The following VIT variants were observed in gnomAD, a reference collection of about 807,000 sequenced individuals.
VIT encodes vitrin.
In VIT, 99 loss-of-function variants were observed where a neutral mutation model predicts 78.0. The observed-to-expected ratio is 1.27, with a 90% CI of 1.08 to 1.50. The LOEUF (loss-of-function observed/expected upper bound fraction) is 1.50, where lower values mean the gene tolerates loss of function less well. Among genes scored for constraint, VIT ranks in the 40% most tolerant of loss-of-function variants. VIT has a pLI of 0.00. For synonymous variants in VIT, 374 were observed against 334.3 expected (o/e 1.12, Z -1.29); for missense variants, 1,126 against 875.3 (o/e 1.29, Z -3.61).
rs368417581 is a variant in VIT, at chr2:36,814,206, G to A, written c.1927G>A (p.Val643Ile). 8.9e-5 allele frequency: 143 copies of A among 1,614,076 alleles called. No homozygotes were observed. The African/African-American group carries it at 9.9e-4, about 11-fold the overall frequency. ...LKGVITYAIG[V>I]AWAAQEELEV... is the part of the protein sequence containing the mutation. ...AGGAGTGATCACCTATGCGATAGGCGTTGCCTGGGCTGCCCAAGAGGAGCT... is the reference window on the plus strand; with the variant it reads ...AGGAGTGATCACCTATGCGATAGGCATTGCCTGGGCTGCCCAAGAGGAGCT... Residue 643 changes from valine (V) to isoleucine (I), a missense_variant, in exon 16 of 16, where the codon GTT becomes ATT. By Grantham distance (29) the Val-to-Ile change is conservative (BLOSUM62 3). Coordinates refer to ENST00000379242, the MANE Select transcript of VIT (RefSeq NM_053276.4).
intron 6 of VIT, among the ~76,000 whole-genome samples, chr2:36,764,586 G>C (rs533743718): frequency 3.7e-4 from 57 of 152,322 alleles, no homozygotes; most frequent in African/African-American, 1.3e-3. Flanking sequence ...ATTTAAAGGT[G>C]ACCAACTTAG....
At chr2:36,781,684 G>C in intron 9 of VIT, 43 bp from the exon 10 acceptor site, 1 of 1,606,502 alleles carries the variant, frequency 6.2e-7, no homozygotes, top group Non-Finnish European at 8.5e-7. Context: ...CTGCTGGTTT[G>C]GTTTAAGTAA....
In VIT at chr2:36,767,190, C is replaced by A; in HGVS notation, c.584C>A (p.Ala195Asp). The A allele has an allele frequency of 6.2e-7, 1 of 1,610,064 alleles. No homozygotes were observed. Among genetic ancestry groups the A allele is most frequent in the South Asian group, 1.1e-5 (1 of 90,010 alleles). ...CTTCTGGCTGTCACTGTAGCTGTGG[C>A]CACCCCCACCACCTTGCCAAGGCCA... ...MQLLAVTVAV[A>D]TPTTLPRPSP... Residue 195 changes from alanine to aspartate, a missense_variant, in exon 7 of 16, where the codon GCC becomes GAC. By Grantham distance (126) the Ala-to-Asp change is moderately radical (BLOSUM62 -2). Transcript: ENST00000379242.
Position 36,743,125 on chromosome 2 carries a change from C to G in VIT, c.144C>G (p.Val48=). The change falls in exon 4 of 16, where the codon GTC becomes GTG. Residue 48 remains valine, a synonymous_variant. Coordinates refer to ENST00000379242, the MANE Select transcript of VIT (RefSeq NM_053276.4). Reference sequence around the variant, plus strand: ...CTGTGCCTCAGATCAACTGCGATGTCAAAGCCGGAAAGATCATCGATCCTG... The same window carrying G: ...CTGTGCCTCAGATCAACTGCGATGTGAAAGCCGGAAAGATCATCGATCCTG... ...KFTVPQINCD[V]KAGKIIDPEF... 2 of 1,614,032 alleles carry G rather than the reference C, an allele frequency of 1.2e-6. No homozygotes were observed. Among genetic ancestry groups the G allele is most frequent in the South Asian group, 1.1e-5 (1 of 91,070 alleles).
chr2:36,745,735 G>T (rs1411228157), intron 4 of VIT, among the ~76,000 whole-genome samples: 1 of 152,044 alleles, frequency 6.6e-6, no homozygotes, highest in Non-Finnish European at 1.5e-5. Flanking sequence ...TCTAGGTATA[G>T]AGTCATATCA....
chr2:36,799,432 G>A lies in VIT; in HGVS notation c.1059-1869G>A, dbSNP rs148571537. The stretch of plus-strand genomic sequence containing the variant: ...AAGGCTACTTTAAAAAGTTTTCTTG[G>A]CCAGGCATGGTGGCTCACATCTGTA... On this transcript the variant is annotated intron_variant, in intron 12 of 15. Coordinates refer to ENST00000379242, the MANE Select transcript of VIT (RefSeq NM_053276.4). 7.9e-5 allele frequency among the ~76,000 whole-genome samples: 12 copies of A among 152,300 alleles called. No homozygotes were observed. The East Asian group carries it at 9.7e-4, about 12-fold the overall frequency.
At chr2:36,803,452 A>G (rs939214694) in intron 13 of VIT, among the ~76,000 whole-genome samples, 5 of 152,208 alleles carry the variant, frequency 3.3e-5, no homozygotes, top group African/African-American at 1.2e-4. Flanking sequence ...GCCTCCAGAT[A>G]TAAGGTTAGG....
chr2:36,716,782 T>G (rs1237719058), intron 2 of VIT, among the ~76,000 whole-genome samples: 1 of 152,142 alleles, frequency 6.6e-6, no homozygotes, highest in Non-Finnish European at 1.5e-5. Flanking sequence ...TTCTTATTTC[T>G]TAATTTCGCA....
Position 36,755,055 on chromosome 2 carries a change from G to T in VIT, c.409+1G>T. 6 of 1,613,692 alleles carry T rather than the reference G, an allele frequency of 3.7e-6. No individual in the cohort carries two copies. The highest frequency in any genetic ancestry group is 5.1e-6 in the Non-Finnish European group (6 of 1,179,870). ...TGGAGAGAATCCTTTATCGTCTTAG[G>T]TATGACCACACACTGGAGAAACGCT... On this transcript the variant is annotated splice_donor_variant, in intron 5 of 15. Coordinates refer to ENST00000379242, the MANE Select transcript of VIT (RefSeq NM_053276.4). LOFTEE classifies it high-confidence loss of function.
At chr2:36,729,298 CT>C in intron 2 of VIT, 127 bp from the exon 3 acceptor site, 1 of 713,078 alleles carries the variant, frequency 1.4e-6, no homozygotes, top group Non-Finnish European at 2.2e-6. Flanking sequence ...TGATGCATGA[CT>C]GTAAGAGGGA....
At chr2:36,773,989 G>A (rs1669910603) in intron 8 of VIT, 142 bp downstream of exon 8, 5 of 722,514 alleles carry the variant, frequency 6.9e-6, no homozygotes, top group African/African-American at 3.7e-5. Context: ...GCCACTCAAG[G>A]GCCCAACTTC....
chr2:36,793,321 A>T (rs762000344), intron 12 of VIT, among the ~76,000 whole-genome samples: 2 of 152,222 alleles, frequency 1.3e-5, no homozygotes, highest in Non-Finnish European at 2.9e-5. Flanking sequence ...CCACTCACTT[A>T]AAAATGAAAT....
At chr2:36,778,642 A>T (rs1343586003) in intron 9 of VIT, among the ~76,000 whole-genome samples, 1 of 152,138 alleles carries the variant, frequency 6.6e-6, no homozygotes, top group Non-Finnish European at 1.5e-5. Flanking sequence ...TACGCCCAGG[A>T]CCCCAGACTG....
At chr2:36,746,850 T>C (rs1668166110) in intron 4 of VIT, among the ~76,000 whole-genome samples, 1 of 152,130 alleles carries the variant, frequency 6.6e-6, no homozygotes, top group South Asian at 2.1e-4. Context: ...GGCTTTTATG[T>C]TAGTGTGTTC....
At chr2:36,806,416 C>T (rs992954434) in intron 14 of VIT, among the ~76,000 whole-genome samples, 8 of 152,194 alleles carry the variant, frequency 5.3e-5, no homozygotes, top group African/African-American at 1.9e-4. Flanking sequence ...TTCCAGGATG[C>T]TGTATGGCTC....
At chr2:36,705,691 G>A (rs921559931) in intron 1 of VIT, among the ~76,000 whole-genome samples, 2 of 152,204 alleles carry the variant, frequency 1.3e-5, no homozygotes, top group East Asian at 1.9e-4. Flanking sequence ...TCCTGGAGAA[G>A]GGGATACACA....
At position 36,814,204 on chromosome 2, in the gene VIT, G is replaced by A. The variant is rs779661032; in HGVS notation, c.1925G>A (p.Gly642Asp). Residue 642 changes from glycine (G) to aspartate (D), a missense_variant, in exon 16 of 16, where the codon GGC (glycine) becomes GAC (aspartate). Coordinates refer to ENST00000379242, the MANE Select transcript of VIT (RefSeq NM_053276.4). ...ACAGGAGTGATCACCTATGCGATAG[G>A]CGTTGCCTGGGCTGCCCAAGAGGAG... Reference protein sequence around the residue: ...HLKGVITYAIGVAWAAQEELE... With the variant: ...HLKGVITYAIDVAWAAQEELE... The A allele has an allele frequency of 7.4e-6, 12 of 1,614,108 alleles. No individual in the cohort carries two copies. Among genetic ancestry groups the A allele is most frequent in the Admixed American group, 1.7e-5 (1 of 60,012 alleles).
chr2:36,745,916 A>G (rs944247323), intron 4 of VIT, among the ~76,000 whole-genome samples: 1 of 152,164 alleles, frequency 6.6e-6, no homozygotes, highest in Non-Finnish European at 1.5e-5. Context: ...GCTTTTGCCC[A>G]TTCAGTACGA....
intron 2 of VIT, among the ~76,000 whole-genome samples, chr2:36,723,823 C>G (rs1294508795): frequency 6.6e-6 from 1 of 151,950 alleles, no homozygotes; most frequent in Non-Finnish European, 1.5e-5. Context: ...CGGTGGCACA[C>G]GTCTGTAAGC....
Sources: allele counts gnomAD v4.1 joint callset (sites outside exome capture counted in the v4.1 genomes callset), GRCh38; gene constraint gnomAD v4.1.1; transcripts MANE v1.5; gene names NCBI Gene and HGNC (gene_info 2026-07-23, HGNC 2026-07-21).